The following ANKRD55 variants were observed in gnomAD, a reference collection of about 807,000 sequenced individuals.
The protein encoded by ANKRD55 is ankyrin repeat domain 55, also known as ankyrin repeat domain-containing protein 55.
ANKRD55 carries 41 observed loss-of-function variants against 60.6 expected under a neutral mutation model. The observed-to-expected ratio is 0.68, with a 90% CI of 0.53 to 0.88. The LOEUF (loss-of-function observed/expected upper bound fraction) is 0.88, where lower values mean the gene tolerates loss of function less well. ANKRD55 is among the 40% of genes least tolerant of loss of function. The pLI, the probability that ANKRD55 is intolerant of heterozygous loss-of-function variation, is 0.00. For synonymous variants in ANKRD55, 264 were observed against 290.3 expected, an observed-to-expected ratio of 0.91 and a Z score of 0.92; for missense variants, 732 against 767.6, an observed-to-expected ratio of 0.95 and a Z score of 0.55.
intron 5 of ANKRD55, among the ~76,000 whole-genome samples, chr5:56,168,315 A>T (rs1758531115): frequency 6.6e-6 from 1 of 152,210 alleles, no homozygotes; most frequent in African/African-American, 2.4e-5. Context: ...TTCCAGAAAT[A>T]AACAATTCAT....
At chr5:56,226,312 A>G (rs1347149837) in intron 2 of ANKRD55, among the ~76,000 whole-genome samples, 1 of 152,208 alleles carries the variant, frequency 6.6e-6, no homozygotes, top group Non-Finnish European at 1.5e-5. Context: ...CCTTCCTTAC[A>G]CCTTATACAA....
At chr5:56,165,799 C>T (rs1758432555) in intron 5 of ANKRD55, among the ~76,000 whole-genome samples, 1 of 151,954 alleles carries the variant, frequency 6.6e-6, no homozygotes, top group Non-Finnish European at 1.5e-5. Flanking sequence ...CATGGTGGTG[C>T]GTGTCTGTAA....
intron 4 of ANKRD55, among the ~76,000 whole-genome samples, chr5:56,173,197 GT>G (rs527978846): frequency 4.0e-5 from 6 of 151,782 alleles, no homozygotes; most frequent in African/African-American, 1.4e-4. Flanking sequence ...AATTGCAATT[GT>G]TTTTTTTCTT....
chr5:56,104,385 T>A (rs572442178), intron 10 of ANKRD55, among the ~76,000 whole-genome samples: 47 of 152,226 alleles, frequency 3.1e-4, no homozygotes, highest in Non-Finnish European at 6.5e-4. Context: ...ACTTCTATTA[T>A]TCTGCCTCCT....
intron 9 of ANKRD55, among the ~76,000 whole-genome samples, chr5:56,115,968 C>T (rs988143030): frequency 6.6e-6 from 1 of 151,970 alleles, no homozygotes; most frequent in Non-Finnish European, 1.5e-5. Flanking sequence ...TATTCTCTTG[C>T]CTCAGCCTCC....
chr5:56,184,500 A>G (rs1267997543), intron 2 of ANKRD55, among the ~76,000 whole-genome samples: 5 of 152,198 alleles, frequency 3.3e-5, no homozygotes, highest in Non-Finnish European at 7.3e-5. Context: ...AGATTTCATG[A>G]GAGGGCATTC....
At chr5:56,101,952 G>A (rs2111650855) in intron 11 of ANKRD55, among the ~76,000 whole-genome samples, 1 of 151,990 alleles carries the variant, frequency 6.6e-6, no homozygotes, top group East Asian at 1.9e-4. Context: ...ACTTGTTATT[G>A]TTTCAATAGT....
intron 1 of ANKRD55, 110 bp downstream of exon 1, chr5:56,233,131 A>G: frequency 5.2e-6 from 3 of 581,782 alleles, no homozygotes; most frequent in African/African-American, 1.9e-5. Flanking sequence ...GAGTTACTCT[A>G]TGGCCTCATT....
chr5:56,191,051 T>C (rs918698095), intron 2 of ANKRD55, among the ~76,000 whole-genome samples: 1 of 152,226 alleles, frequency 6.6e-6, no homozygotes, highest in African/African-American at 2.4e-5. Flanking sequence ...GACTTTCAGT[T>C]CTATTCTACT....
chr5:56,104,702 A>G (rs957983659), intron 10 of ANKRD55, among the ~76,000 whole-genome samples: 65 of 152,230 alleles, frequency 4.3e-4, no homozygotes, highest in African/African-American at 1.6e-3. Context: ...TAGATAATTC[A>G]GCAATCATCC....
chr5:56,108,213 C>T (rs1201830259), intron 10 of ANKRD55: 1 of 152,150 alleles, frequency 6.6e-6, no homozygotes, highest in East Asian at 1.9e-4. Context: ...GCCCCTGTGA[C>T]TTTGGGTTTC....
In ANKRD55 at chr5:56,210,059, G is replaced by A. The variant is rs545443297; in HGVS notation, c.58+22797C>T. Among the ~76,000 whole-genome samples, 257 of 152,114 alleles carry A rather than the reference G, an allele frequency of 1.7e-3. 4 individuals are homozygous for A. The highest frequency in any genetic ancestry group is 5.8e-3 in the African/African-American group (242 of 41,492). ...GTCTCGTTCTGTCGCCCAGGCTGGA[G>A]TGCCGTGGCACAATCTCAGCTCACT... is the stretch of plus-strand genomic sequence containing the variant. On this transcript the variant is annotated intron_variant, in intron 2 of 11. Transcript: ENST00000341048.
rs555070092 is a variant in ANKRD55, at chr5:56,133,596, A to G, written c.613-6490T>C. Among the ~76,000 whole-genome samples, 13 of 113,138 alleles carry G rather than the reference A, an allele frequency of 1.1e-4. 5 individuals are homozygous for G. The highest frequency in any genetic ancestry group is 3.7e-4 in the African/African-American group (13 of 34,780). The allele number at this position is 113,138 out of a possible 152,430, so 74.2% of individuals were successfully genotyped here. ...AAACAAACCTTAACAAAAGTGAAAG[A>G]ATAGAAATCATACAATGCAGGCTTT... is the stretch of plus-strand genomic sequence containing the variant. On this transcript the variant is annotated intron_variant, in intron 7 of 11. Coordinates refer to ENST00000341048, the MANE Select transcript of ANKRD55 (RefSeq NM_024669.3).
rs1304996328 is a variant in ANKRD55, at chr5:56,099,935, A to AT, written c.*247dup. 1 of 448,806 alleles carries AT rather than the reference A, an allele frequency of 2.2e-6. No homozygotes were observed. Among genetic ancestry groups the AT allele is most frequent in the African/African-American group, 2.0e-5 (1 of 50,622 alleles). 27.8% of individuals were successfully genotyped at this position (448,806 alleles called of 1,614,324 possible). On this transcript the variant is annotated 3_prime_UTR_variant, in exon 12 of 12. Coordinates refer to ENST00000341048, the MANE Select transcript of ANKRD55 (RefSeq NM_024669.3). ...AGCTCAGTTTTCCTACTGATAACAT[A>AT]TTTTGTCTTTTAATTTTGGCATGTG...
chr5:56,212,461 A>G (rs1759699040), intron 2 of ANKRD55, among the ~76,000 whole-genome samples: 1 of 152,216 alleles, frequency 6.6e-6, no homozygotes. Context: ...TAAGATATGA[A>G]GCAAAAAGAA....
At chr5:56,102,436 T>A in intron 11 of ANKRD55, 58 bp downstream of exon 11, 1 of 1,200,434 alleles carries the variant, frequency 8.3e-7, no homozygotes, top group African/African-American at 1.6e-5. Flanking sequence ...TAACATTTAG[T>A]TGTGTCTAGA....
At position 56,142,003 on chromosome 5, in the gene ANKRD55, T is replaced by C. The variant is rs752248710; in HGVS notation, c.612+1798A>G. On this transcript the variant is annotated intron_variant, in intron 7 of 11. Transcript: ENST00000341048. ...TTCAGAGTTGAGTAGGTTGTTCTTA[T>C]GATTTTGCCAAAGTGCCTCTTAAAG... is the stretch of plus-strand genomic sequence containing the variant. 2.0e-5 allele frequency among the ~76,000 whole-genome samples: 3 copies of C among 152,182 alleles called. 1 individual carries two copies. Among genetic ancestry groups the C allele is most frequent in the South Asian group, 4.1e-4 (2 of 4,822 alleles).
chr5:56,167,051 T>C (rs1343550566), intron 5 of ANKRD55, among the ~76,000 whole-genome samples: 2 of 152,260 alleles, frequency 1.3e-5, no homozygotes, highest in Non-Finnish European at 2.9e-5. Flanking sequence ...ATAAAATATG[T>C]AATTTTAACA....
At chr5:56,213,303 A>G (rs975267936) in intron 2 of ANKRD55, among the ~76,000 whole-genome samples, 3 of 152,222 alleles carry the variant, frequency 2.0e-5, no homozygotes, top group African/African-American at 7.2e-5. Context: ...GTATTTGCTT[A>G]TTAGTACACT....
Sources: allele counts gnomAD v4.1 joint callset (sites outside exome capture counted in the v4.1 genomes callset), GRCh38; gene constraint gnomAD v4.1.1; transcripts MANE v1.5; gene names NCBI Gene and HGNC (gene_info 2026-07-23, HGNC 2026-07-21).